Variants in PTPRD observed in about 807,000 individuals in gnomAD.
PTPRD encodes the protein receptor-type tyrosine-protein phosphatase delta.
In PTPRD, 34 loss-of-function variants were observed where a neutral mutation model predicts 214.5. The observed-to-expected ratio is 0.16, with a 90% confidence interval of 0.12 to 0.21. PTPRD has a LOEUF of 0.21. Among genes scored for constraint, PTPRD ranks in the 10% least tolerant of loss-of-function variants. The pLI, the probability that PTPRD is intolerant of heterozygous loss-of-function variation, is 1.00. For synonymous variants in PTPRD, 1,128 were observed against 845.7 expected (o/e 1.33, Z -5.79); for missense variants, 2,545 against 2,398.7 (o/e 1.06, Z -1.27).
At chr9:9,499,419 A>G (rs1252429583) in intron 8 of PTPRD, among the ~76,000 whole-genome samples, 1 of 152,144 alleles carries the variant, frequency 6.6e-6, no homozygotes, top group African/African-American at 2.4e-5. Context: ...ATTTAAAAAT[A>G]TATTGCCGAA....
chr9:9,595,612 C>T (rs955648326), intron 7 of PTPRD, among the ~76,000 whole-genome samples: 9 of 151,166 alleles, frequency 6.0e-5, no homozygotes, highest in Non-Finnish European at 1.0e-4. Context: ...ACAATTCAGC[C>T]ATTAAAAGGA....
chr9:9,413,607 G>A (rs1379145689), intron 8 of PTPRD, among the ~76,000 whole-genome samples: 3 of 152,108 alleles, frequency 2.0e-5, no homozygotes, highest in South Asian at 2.1e-4. Context: ...TCTCTGTTTT[G>A]AAAAAGTCTA....
At chr9:9,463,855 T>C (rs2093895896) in intron 8 of PTPRD, among the ~76,000 whole-genome samples, 1 of 152,068 alleles carries the variant, frequency 6.6e-6, no homozygotes, top group African/African-American at 2.4e-5. Context: ...AGTTCCTTTC[T>C]TAGGAAATCA....
intron 3 of PTPRD, among the ~76,000 whole-genome samples, chr9:10,276,366 G>C (rs887139804): frequency 5.3e-5 from 8 of 152,232 alleles, no homozygotes; most frequent in African/African-American, 1.9e-4. Flanking sequence ...CAATGCAAGA[G>C]AAAAGTAGCC....
intron 7 of PTPRD, among the ~76,000 whole-genome samples, chr9:9,733,156 G>A (rs2098228770): frequency 6.6e-6 from 1 of 152,122 alleles, no homozygotes; most frequent in African/African-American, 2.4e-5. Context: ...TTAAAGTTAT[G>A]ACAGAACATT....
At chr9:10,018,431 G>A (rs951939941) in intron 4 of PTPRD, among the ~76,000 whole-genome samples, 7 of 150,364 alleles carry the variant, frequency 4.7e-5, no homozygotes, top group African/African-American at 9.8e-5. Flanking sequence ...CATGTTTATC[G>A]TGTGATACAA....
intron 11 of PTPRD, among the ~76,000 whole-genome samples, chr9:8,859,781 C>T (rs1023757814): frequency 2.1e-5 from 3 of 145,648 alleles, no homozygotes; most frequent in Middle Eastern, 3.8e-3. Flanking sequence ...TCTCTCTAAA[C>T]GAAGTTTAGT....
At chr9:10,491,957 T>C (rs2040414034) in intron 2 of PTPRD, among the ~76,000 whole-genome samples, 1 of 152,168 alleles carries the variant, frequency 6.6e-6, no homozygotes, top group Non-Finnish European at 1.5e-5. Context: ...AGTGAGAACA[T>C]GCAGTGTTTG....
chr9:10,221,955 G>C (rs1227514517), intron 3 of PTPRD, among the ~76,000 whole-genome samples: 1 of 151,756 alleles, frequency 6.6e-6, no homozygotes, highest in Non-Finnish European at 1.5e-5. Context: ...CAATTAGATA[G>C]GCTAACAACA....
chr9:9,431,382 A>G (rs979597234), intron 8 of PTPRD, among the ~76,000 whole-genome samples: 1 of 152,192 alleles, frequency 6.6e-6, no homozygotes, highest in African/African-American at 2.4e-5. Flanking sequence ...TAGAATGGCG[A>G]TCATTAAAAA....
At chr9:9,883,357 G>T (rs1401954125) in intron 5 of PTPRD, among the ~76,000 whole-genome samples, 2 of 152,040 alleles carry the variant, frequency 1.3e-5, no homozygotes, top group Admixed American at 1.3e-4. Context: ...TTTATAAGTA[G>T]AACAGGCTGT....
At position 10,571,534 on chromosome 9, in the gene PTPRD, C is replaced by A. The variant is rs141655195; in HGVS notation, c.-600+40864G>T. 2.0e-5 allele frequency among the ~76,000 whole-genome samples: 3 copies of A among 152,246 alleles called. No individual in the cohort carries two copies. In the East Asian group the frequency reaches 5.8e-4, roughly 29 times the overall value. The stretch of plus-strand genomic sequence containing the variant: ...CCAGGTTCCCTTACTTATTGGATGA[C>A]AGACCTTGGAACTGTATTGTTTTCT... On this transcript the variant is annotated intron_variant, in intron 2 of 45. Coordinates refer to ENST00000381196, the MANE Select transcript of PTPRD (RefSeq NM_002839.4).
chr9:9,135,444 G>A (rs1195597651), intron 10 of PTPRD, among the ~76,000 whole-genome samples: 1 of 152,142 alleles, frequency 6.6e-6, no homozygotes, highest in African/African-American at 2.4e-5. Context: ...AAGATGATGA[G>A]ATCATTTTCC....
chr9:9,051,073 G>C (rs988705956), intron 10 of PTPRD, among the ~76,000 whole-genome samples: 6 of 151,938 alleles, frequency 3.9e-5, no homozygotes, highest in African/African-American at 1.5e-4. Context: ...TTCCTAAGTA[G>C]GGAATTTTTC....
intron 9 of PTPRD, among the ~76,000 whole-genome samples, chr9:9,339,768 T>A (rs1025060461): frequency 1.3e-5 from 2 of 152,176 alleles, no homozygotes; most frequent in Non-Finnish European, 2.9e-5. Context: ...CCCTAAATGA[T>A]TGCTTCAGAA....
At chr9:10,261,544 A>G (rs2093700240) in intron 3 of PTPRD, among the ~76,000 whole-genome samples, 1 of 152,130 alleles carries the variant, frequency 6.6e-6, no homozygotes, top group Non-Finnish European at 1.5e-5. Context: ...GTGTGTATAT[A>G]TACATATGTA....
chr9:8,487,582 C>T (rs2097053696), intron 27 of PTPRD, among the ~76,000 whole-genome samples: 1 of 151,852 alleles, frequency 6.6e-6, no homozygotes, highest in Non-Finnish European at 1.5e-5. Flanking sequence ...CTTTGGGAAG[C>T]AGTGGATCAC....
intron 9 of PTPRD, among the ~76,000 whole-genome samples, chr9:9,278,392 T>G (rs1946428949): frequency 6.6e-6 from 1 of 151,364 alleles, no homozygotes; most frequent in Admixed American, 6.6e-5. Flanking sequence ...CCTTATAAAA[T>G]TTTAAGATTT....
At chr9:8,529,968 G>A (rs1448481029) in intron 14 of PTPRD, among the ~76,000 whole-genome samples, 1 of 152,026 alleles carries the variant, frequency 6.6e-6, no homozygotes, top group African/African-American at 2.4e-5. Flanking sequence ...CACGGCCACT[G>A]ATAAATTTTC....
Sources: allele counts gnomAD v4.1 joint callset (sites outside exome capture counted in the v4.1 genomes callset), GRCh38; gene constraint gnomAD v4.1.1; transcripts MANE v1.5; gene names NCBI Gene and HGNC (gene_info 2026-07-23, HGNC 2026-07-21).